VTI1A: variants seen among roughly 807,000 people sequenced by gnomAD.
The protein encoded by VTI1A is vesicle transport through interaction with t-SNAREs homolog 1A.
A neutral mutation model predicts 34.9 loss-of-function variants in VTI1A; 22 were observed. That is an observed-to-expected ratio of 0.63 (90% CI 0.45 to 0.90). The LOEUF is 0.90. Among genes scored for constraint, VTI1A ranks in the 40% least tolerant of loss-of-function variants. VTI1A has a pLI of 0.00. For missense variants in VTI1A, 268 were observed against 275.6 expected, an observed-to-expected ratio of 0.97 and a Z score of 0.20; for synonymous variants, 87 against 97.3, an observed-to-expected ratio of 0.89 and a Z score of 0.62.
At chr10:112,498,618 GA>G (rs1849112148) in intron 3 of VTI1A, among the ~76,000 whole-genome samples, 2 of 151,932 alleles carry the variant, frequency 1.3e-5, no homozygotes, top group Non-Finnish European at 2.9e-5. Context: ...AAACTAGACA[GA>G]AAAGAAAAAA....
intron 7 of VTI1A, among the ~76,000 whole-genome samples, chr10:112,696,749 C>G (rs921379309): frequency 1.3e-5 from 2 of 152,276 alleles, no homozygotes; most frequent in South Asian, 4.1e-4. Context: ...TTTGTTTAAG[C>G]AAAGAGTCAG....
At chr10:112,693,682 A>C (rs1848684886) in intron 7 of VTI1A, among the ~76,000 whole-genome samples, 1 of 152,248 alleles carries the variant, frequency 6.6e-6, no homozygotes, top group African/African-American at 2.4e-5. Context: ...GAACAAAAGC[A>C]GTGATCAAAT....
downstream of VTI1A, among the ~76,000 whole-genome samples, chr10:112,820,706 G>A (rs139043859): frequency 1.8e-3 from 277 of 152,338 alleles, 1 homozygote; most frequent in African/African-American, 6.2e-3. Context: ...GTGTCCTGTT[G>A]TGGAGGAGGG....
chr10:112,811,276 A>AC (rs1255998393), intron 7 of VTI1A, among the ~76,000 whole-genome samples: 9 of 152,066 alleles, frequency 5.9e-5, no homozygotes, highest in Non-Finnish European at 1.2e-4. Context: ...CCAAATCAAA[A>AC]CCGCAGGAAG....
intron 3 of VTI1A, among the ~76,000 whole-genome samples, chr10:112,512,676 G>A (rs1440177525): frequency 6.6e-6 from 1 of 151,982 alleles, no homozygotes; most frequent in Non-Finnish European, 1.5e-5. Context: ...TCATAGTTTG[G>A]AGTCTTGTGT....
At chr10:112,567,232 G>T (rs1851937185) in intron 5 of VTI1A, among the ~76,000 whole-genome samples, 2 of 152,046 alleles carry the variant, frequency 1.3e-5, no homozygotes, top group South Asian at 4.1e-4. Context: ...TTCTCGCCAT[G>T]TTGCCCAGGC....
chr10:112,485,589 G>A (rs1848598140), intron 3 of VTI1A, among the ~76,000 whole-genome samples: 1 of 152,180 alleles, frequency 6.6e-6, no homozygotes, highest in South Asian at 2.1e-4. Context: ...GTTTTGGAAG[G>A]ATGTTAAAAT....
chr10:112,822,754 T>C (rs1348997421), downstream of VTI1A, among the ~76,000 whole-genome samples: 1 of 152,172 alleles, frequency 6.6e-6, no homozygotes, highest in Non-Finnish European at 1.5e-5. Context: ...CTGAGCTCAT[T>C]ATTATCCCCG....
intron 7 of VTI1A, among the ~76,000 whole-genome samples, chr10:112,700,117 C>CAA (rs1201699870): frequency 0.024 from 951 of 40,124 alleles, 14 homozygotes; most frequent in African/African-American, 0.058. Context: ...GACTCCATCT[C>CAA]AAAAAAAAAA....
At chr10:112,784,643 A>C (rs1187608816) in intron 7 of VTI1A, among the ~76,000 whole-genome samples, 3 of 152,198 alleles carry the variant, frequency 2.0e-5, no homozygotes, top group Non-Finnish European at 4.4e-5. Flanking sequence ...TTTTTAAAGC[A>C]AGTCAGTGGT....
At chr10:112,793,543 G>A (rs1224367802) in intron 7 of VTI1A, among the ~76,000 whole-genome samples, 2 of 152,192 alleles carry the variant, frequency 1.3e-5, no homozygotes, top group African/African-American at 2.4e-5. Flanking sequence ...TGACTCCAAT[G>A]TACCACACTT....
chr10:112,474,923 A>C (rs1328667169), intron 3 of VTI1A, among the ~76,000 whole-genome samples: 2 of 152,196 alleles, frequency 1.3e-5, no homozygotes, highest in Non-Finnish European at 2.9e-5. Context: ...AAAGGCCAAC[A>C]CAGGAAAGGG....
At chr10:112,748,792 ATTT>A (rs532679915) in intron 7 of VTI1A, among the ~76,000 whole-genome samples, 1 of 145,698 alleles carries the variant, frequency 6.9e-6, no homozygotes, top group African/African-American at 2.5e-5. Flanking sequence ...TGCCCGGCTA[ATTT>A]TTTTTTTTTA....
At chr10:112,834,013 G>A in the VTI1A span, among the ~76,000 whole-genome samples, 3 of 152,124 alleles carry the variant, frequency 2.0e-5, no homozygotes, top group South Asian at 4.1e-4. Flanking sequence ...CTCTCTGGCT[G>A]GGTGAGCCTA....
chr10:112,528,400 C>T (rs1850312327), intron 4 of VTI1A, among the ~76,000 whole-genome samples: 1 of 151,970 alleles, frequency 6.6e-6, no homozygotes, highest in Admixed American at 6.6e-5. Flanking sequence ...ATGTCACCTC[C>T]TCCACTATTT....
intron 7 of VTI1A, among the ~76,000 whole-genome samples, chr10:112,728,930 A>G (rs529987762): frequency 6.6e-6 from 1 of 152,320 alleles, no homozygotes; most frequent in African/African-American, 2.4e-5. Context: ...TAAGGAAACA[A>G]CTAACTCAGA....
At chr10:112,616,109 G>C (rs1233488370) in intron 5 of VTI1A, among the ~76,000 whole-genome samples, 2 of 152,140 alleles carry the variant, frequency 1.3e-5, no homozygotes, top group Admixed American at 1.3e-4. Context: ...TGCATTGAAG[G>C]ATTATTAAGA....
intron 2 of VTI1A, among the ~76,000 whole-genome samples, chr10:112,462,894 G>GC (rs1847772127): frequency 7.0e-6 from 1 of 142,858 alleles, no homozygotes; most frequent in Non-Finnish European, 1.6e-5. Flanking sequence ...GTTGTTACTG[G>GC]TTTTTATTTA....
intron 3 of VTI1A, among the ~76,000 whole-genome samples, chr10:112,500,268 C>T (rs1023362121): frequency 2.0e-5 from 3 of 151,952 alleles, no homozygotes; most frequent in African/African-American, 7.3e-5. Context: ...GATCCCGTCT[C>T]TACTACAAAT....
Sources: gnomAD v4.1 joint callset for allele counts (sites outside exome capture counted in the v4.1 genomes callset) on GRCh38, gnomAD v4.1.1 for gene constraint, MANE v1.5 for transcripts, NCBI Gene and HGNC (gene_info 2026-07-23, HGNC 2026-07-21) for gene names.